The following WASHC5 variants were observed in gnomAD, a reference collection of about 807,000 sequenced individuals.
The protein encoded by WASHC5 is WASH complex subunit strumpellin.
In WASHC5, 101 loss-of-function variants were observed where a neutral mutation model predicts 150.4. The ratio of observed to expected loss-of-function variants is 0.67; its 90% CI spans 0.57 to 0.79. The LOEUF (loss-of-function observed/expected upper bound fraction) is 0.79, where lower values mean the gene tolerates loss of function less well. Among genes scored for constraint, WASHC5 ranks in the 30% least tolerant of loss-of-function variants. The probability of loss-of-function intolerance (pLI) is 0.00; values close to 1 mark genes in which losing one functional copy is unlikely to be tolerated. For synonymous variants in WASHC5, 467 were observed against 491.2 expected, an observed-to-expected ratio of 0.95 and a Z score of 0.65; for missense variants, 1,195 against 1,396.3, an observed-to-expected ratio of 0.86 and a Z score of 2.30.
At chr8:125,052,486 ATATT>A (rs113071525) in intron 17 of WASHC5, among the ~76,000 whole-genome samples, 16,490 of 151,968 alleles carry the variant, frequency 0.11, 2,070 homozygotes, top group African/African-American at 0.3. Flanking sequence ...CCTTACACAT[ATATT>A]TAATTTCAAA....
At chr8:125,081,145 T>C (rs1178710485) in intron 5 of WASHC5, among the ~76,000 whole-genome samples, 2 of 151,902 alleles carry the variant, frequency 1.3e-5, no homozygotes, top group East Asian at 1.9e-4. Context: ...GAATACTTGA[T>C]ATGTAATACA....
At chr8:125,069,476 T>A (rs568419347) in intron 9 of WASHC5, among the ~76,000 whole-genome samples, 13 of 152,368 alleles carry the variant, frequency 8.5e-5, no homozygotes, top group African/African-American at 3.1e-4. Flanking sequence ...TAGTATTACA[T>A]GTGCCCCCTC....
Position 125,044,465 on chromosome 8 carries a change from T to C in WASHC5, c.2667+71A>G, listed in dbSNP as rs1023052145. The C allele has an allele frequency of 2.6e-6, 4 of 1,532,030 alleles. 1 individual carries two copies. The highest frequency in any genetic ancestry group is 3.6e-6 in the Non-Finnish European group (4 of 1,105,670). 94.9% of individuals were successfully genotyped at this position (1,532,030 alleles called of 1,614,324 possible). A position where few individuals can be genotyped will look rare whatever the true frequency, so the allele number is the denominator to read the frequency against. On this transcript the variant is annotated intron_variant, in intron 21 of 28. Transcript: ENST00000318410. ...GAAGAAAGGTTAAGTGAGTTCAAAC[T>C]GCCCACTAAAATATGTTCTTGCCTC... is the stretch of plus-strand genomic sequence containing the variant.
intron 6 of WASHC5, 35 bp downstream of exon 6, chr8:125,078,703 C>G: frequency 6.7e-7 from 1 of 1,501,730 alleles, no homozygotes; most frequent in Non-Finnish European, 9.2e-7. Context: ...GTCTGTTAAA[C>G]TGTCTTAATA....
At chr8:125,081,566 G>T in intron 5 of WASHC5, 95 bp downstream of exon 5, 1 of 796,028 alleles carries the variant, frequency 1.3e-6, no homozygotes, top group Non-Finnish European at 2.2e-6. Context: ...ATCTATTCTT[G>T]GATTACTGCT....
At chr8:125,089,088 C>T (rs1817515048) in intron 1 of WASHC5, among the ~76,000 whole-genome samples, 1 of 152,210 alleles carries the variant, frequency 6.6e-6, no homozygotes. Flanking sequence ...TTAGTTTCCT[C>T]TGTGATACTT....
chr8:125,063,405 A>G (rs1816659917), intron 11 of WASHC5, 117 bp downstream of exon 11: 1 of 1,125,160 alleles, frequency 8.9e-7, no homozygotes, highest in Admixed American at 1.7e-5. Flanking sequence ...CTAAAGATGG[A>G]ATATCATAGG....
intron 1 of WASHC5, among the ~76,000 whole-genome samples, chr8:125,086,198 C>T (rs914497489): frequency 2.0e-5 from 3 of 152,124 alleles, no homozygotes; most frequent in African/African-American, 7.2e-5. Context: ...ATTCTGGAGG[C>T]GAGAACTTCA....
At chr8:125,072,837 C>T (rs931368700) in intron 9 of WASHC5, among the ~76,000 whole-genome samples, 4 of 152,142 alleles carry the variant, frequency 2.6e-5, no homozygotes, top group Non-Finnish European at 4.4e-5. Flanking sequence ...CACTATTCTG[C>T]CTACCACAGA....
chr8:125,049,866 G>C (rs1816187914), intron 18 of WASHC5, among the ~76,000 whole-genome samples: 1 of 151,920 alleles, frequency 6.6e-6, no homozygotes, highest in Admixed American at 6.6e-5. Context: ...CAATAGTACA[G>C]CAGCTAAGAG....
intron 26 of WASHC5, among the ~76,000 whole-genome samples, chr8:125,036,609 C>T (rs1480821381): frequency 6.6e-6 from 1 of 151,938 alleles, no homozygotes; most frequent in Non-Finnish European, 1.5e-5. Context: ...GAGGTCAAGG[C>T]CATAGTGAGC....
chr8:125,081,704 C>T lies in WASHC5; in HGVS notation c.475G>A (p.Gly159Arg). The change falls in exon 5 of 29, where the codon GGA (glycine) becomes AGA (arginine). Residue 159 changes from glycine (G) to arginine (R), a missense_variant. Coordinates refer to ENST00000318410, the MANE Select transcript of WASHC5 (RefSeq NM_014846.4). ...MLLVIDQKIE[G>R]EVRERMLVSY... ...ACCAGCATCCTCTCTCTGACTTCTCCTTCAATCTTTTGGTCAATGACCAGT... is the reference window on the plus strand; with the variant it reads ...ACCAGCATCCTCTCTCTGACTTCTCTTTCAATCTTTTGGTCAATGACCAGT... 6.2e-7 allele frequency: 1 copy of T among 1,612,724 alleles called. No homozygotes were observed. Among genetic ancestry groups the T allele is most frequent in the Non-Finnish European group, 8.5e-7 (1 of 1,178,904 alleles).
chr8:125,061,034 G>GGT, intron 12 of WASHC5, 48 bp downstream of exon 12: 2 of 1,001,290 alleles, frequency 2.0e-6, no homozygotes, highest in Admixed American at 1.7e-5. Context: ...TGGGTCATAA[G>GGT]GTGTGATTCA....
At chr8:125,044,854 C>T in intron 20 of WASHC5, 156 bp from the exon 21 acceptor site, 1 of 754,408 alleles carries the variant, frequency 1.3e-6, no homozygotes, top group South Asian at 1.4e-5. Context: ...AATGCGTCTT[C>T]CCAGTGACAC....
intron 10 of WASHC5, 107 bp downstream of exon 10, chr8:125,067,485 G>A: frequency 1.0e-6 from 1 of 960,732 alleles, no homozygotes. Context: ...GCTCAAATCT[G>A]TACCTTGAAT....
At chr8:125,076,822 C>T (rs562980992) in intron 6 of WASHC5, among the ~76,000 whole-genome samples, 99 of 150,492 alleles carry the variant, frequency 6.6e-4, no homozygotes, top group Non-Finnish European at 1.1e-3. Flanking sequence ...TGGAGACAAC[C>T]CTTAGAACTG....
intron 5 of WASHC5, among the ~76,000 whole-genome samples, chr8:125,080,046 T>C (rs1428626943): frequency 5.3e-5 from 8 of 152,202 alleles, no homozygotes; most frequent in Non-Finnish European, 1.5e-5. Flanking sequence ...AACAGGTCTG[T>C]GATTTTTCCG....
chr8:125,032,850 T>C (rs961595051), intron 26 of WASHC5: 3 of 175,742 alleles, frequency 1.7e-5, no homozygotes, highest in Non-Finnish European at 2.4e-5. Flanking sequence ...ACATAAAGAA[T>C]CTGCAGAAAT....
Position 125,024,597 on chromosome 8 carries a change from TG to T in WASHC5, c.*19del. ...GAAGATCTAAGGACAATCCTTCCAT[TG>T]AAGAAGTAGGAAAAACAGTTACAGC... On this transcript the variant is annotated 3_prime_UTR_variant, in exon 29 of 29. Transcript: ENST00000318410. 6.4e-7 allele frequency: 1 copy of T among 1,573,938 alleles called. No homozygotes were observed. The highest frequency in any genetic ancestry group is 8.7e-7 in the Non-Finnish European group (1 of 1,143,528).
Sources: allele counts gnomAD v4.1 joint callset (sites outside exome capture counted in the v4.1 genomes callset), GRCh38; gene constraint gnomAD v4.1.1; transcripts MANE v1.5; gene names NCBI Gene and HGNC (gene_info 2026-07-23, HGNC 2026-07-21).